The following GRM8 variants were observed in gnomAD, a reference collection of about 807,000 sequenced individuals.
GRM8 encodes glutamate metabotropic receptor 8.
A neutral mutation model predicts 87.2 loss-of-function variants in GRM8; 47 were observed. The ratio of observed to expected loss-of-function variants is 0.54; its 90% CI spans 0.43 to 0.69. The LOEUF is 0.69. GRM8 is among the 30% of genes least tolerant of loss of function. GRM8 has a pLI of 0.00. For missense variants in GRM8, 1,019 were observed against 1,139.2 expected (o/e 0.89, Z 1.52); for synonymous variants, 396 against 404.5 (o/e 0.98, Z 0.25).
At chr7:126,807,765 C>G (rs1586021822) in intron 6 of GRM8, among the ~76,000 whole-genome samples, 1 of 152,092 alleles carries the variant, frequency 6.6e-6, no homozygotes, top group Admixed American at 6.6e-5. Flanking sequence ...GAATTTAGGC[C>G]TCAGATCTGA....
chr7:126,684,340 T>A (rs1394409655), intron 7 of GRM8, among the ~76,000 whole-genome samples: 1 of 152,096 alleles, frequency 6.6e-6, no homozygotes, highest in Non-Finnish European at 1.5e-5. Flanking sequence ...CGGCTCCCAG[T>A]GATTCTTGCT....
chr7:127,125,900 G>C (rs1315335368), intron 2 of GRM8, among the ~76,000 whole-genome samples: 1 of 151,764 alleles, frequency 6.6e-6, no homozygotes, highest in Non-Finnish European at 1.5e-5. Context: ...AATCATCAGA[G>C]AAATGCACAT....
At chr7:126,517,246 AAGT>A (rs1003222571) in intron 9 of GRM8, among the ~76,000 whole-genome samples, 1 of 152,082 alleles carries the variant, frequency 6.6e-6, no homozygotes, top group Non-Finnish European at 1.5e-5. Context: ...ATCAGCAAAA[AAGT>A]AGGGACAGCA....
intron 3 of GRM8, among the ~76,000 whole-genome samples, chr7:126,923,334 TG>T (rs1447761383): frequency 6.6e-6 from 1 of 152,202 alleles, no homozygotes; most frequent in Non-Finnish European, 1.5e-5. Flanking sequence ...CTGCTTTTCA[TG>T]TAAGTCAACA....
At chr7:127,063,826 T>C (rs1025904298) in intron 3 of GRM8, among the ~76,000 whole-genome samples, 16 of 152,252 alleles carry the variant, frequency 1.1e-4, no homozygotes, top group African/African-American at 3.9e-4. Context: ...AGTATGTTGT[T>C]TGTTCTCATT....
At chr7:127,191,500 C>G (rs1485178296) in intron 2 of GRM8, among the ~76,000 whole-genome samples, 1 of 151,990 alleles carries the variant, frequency 6.6e-6, no homozygotes, top group Non-Finnish European at 1.5e-5. Flanking sequence ...TGCTGAAGAC[C>G]AGGACCTTTT....
chr7:127,058,544 A>C (rs1386389834), intron 3 of GRM8, among the ~76,000 whole-genome samples: 2 of 152,176 alleles, frequency 1.3e-5, no homozygotes, highest in Admixed American at 1.3e-4. Context: ...GGTGAAAAAA[A>C]AAATTAATTT....
At chr7:126,618,617 C>T (rs1332229814) in intron 7 of GRM8, among the ~76,000 whole-genome samples, 2 of 152,118 alleles carry the variant, frequency 1.3e-5, no homozygotes, top group Non-Finnish European at 2.9e-5. Context: ...AAAATTTTTA[C>T]CATCTACTCA....
intron 3 of GRM8, among the ~76,000 whole-genome samples, chr7:126,989,062 A>C (rs1812383289): frequency 6.6e-6 from 1 of 152,160 alleles, no homozygotes; most frequent in Non-Finnish European, 1.5e-5. Context: ...AACATATAAA[A>C]CTATATCCCA....
chr7:126,460,023 T>C (rs760786458), intron 9 of GRM8, among the ~76,000 whole-genome samples: 1 of 151,520 alleles, frequency 6.6e-6, no homozygotes, highest in Non-Finnish European at 1.5e-5. Context: ...AGACAATATA[T>C]AGGGAGATGT....
At chr7:126,448,670 A>G (rs1802285664) in intron 9 of GRM8, among the ~76,000 whole-genome samples, 1 of 152,006 alleles carries the variant, frequency 6.6e-6, no homozygotes, top group African/African-American at 2.4e-5. Flanking sequence ...CTTTCAAATT[A>G]TACCAAAATG....
intron 3 of GRM8, chr7:127,084,453 C>G (rs1000940350): frequency 6.6e-6 from 1 of 152,148 alleles, no homozygotes; most frequent in Non-Finnish European, 1.5e-5. Flanking sequence ...ATTAGATACA[C>G]TATAAACCAT....
Position 126,904,669 on chromosome 7 carries a change from C to T in GRM8, c.742G>A (p.Ala248Thr), listed in dbSNP as rs1433922421. The change falls in exon 4 of 11, where the codon GCT becomes ACT. Residue 248 changes from alanine to threonine, a missense_variant. By Grantham distance (58) the Ala-to-Thr change is moderately conservative. Transcript: ENST00000339582. ...TCACGTGGGATTTTCTGTGACTGAG[C>T]AATGCAAACACCACCTATTTAAAAA... is the stretch of plus-strand genomic sequence containing the variant. ...ISREIGGVCI[A>T]QSQKIPREPR... The T allele has an allele frequency of 6.2e-7, 1 of 1,613,562 alleles. No individual in the cohort carries two copies. Among genetic ancestry groups the T allele is most frequent in the East Asian group, 2.2e-5 (1 of 44,860 alleles).
intron 2 of GRM8, among the ~76,000 whole-genome samples, chr7:127,163,711 C>T (rs1173654748): frequency 6.6e-6 from 1 of 152,062 alleles, no homozygotes; most frequent in East Asian, 1.9e-4. Flanking sequence ...GATTTGATAA[C>T]CGTCAAAGCT....
chr7:126,805,205 ACT>A (rs1030192292), intron 6 of GRM8, among the ~76,000 whole-genome samples: 4 of 151,746 alleles, frequency 2.6e-5, no homozygotes, highest in Non-Finnish European at 4.4e-5. Flanking sequence ...TTTTGTCTCC[ACT>A]CTGCTTTCAA....
intron 7 of GRM8, among the ~76,000 whole-genome samples, chr7:126,634,916 C>G (rs1172815247): frequency 2.0e-5 from 3 of 152,056 alleles, no homozygotes; most frequent in African/African-American, 7.2e-5. Flanking sequence ...ACTAGACAAC[C>G]ATCCAAAGAG....
intron 3 of GRM8, among the ~76,000 whole-genome samples, chr7:126,972,141 T>C (rs1436392258): frequency 6.6e-6 from 1 of 152,148 alleles, no homozygotes; most frequent in Non-Finnish European, 1.5e-5. Flanking sequence ...ACCACTATCT[T>C]CATCCCCATA....
chr7:127,223,455 A>ACG (rs751866796), intron 2 of GRM8, among the ~76,000 whole-genome samples: 8 of 66,284 alleles, frequency 1.2e-4, no homozygotes, highest in Non-Finnish European at 1.8e-4. Context: ...ACACACACAC[A>ACG]CACACACACA....
At chr7:126,755,231 T>C (rs1816873272) in intron 7 of GRM8, among the ~76,000 whole-genome samples, 1 of 152,040 alleles carries the variant, frequency 6.6e-6, no homozygotes, top group Non-Finnish European at 1.5e-5. Flanking sequence ...TACTAGTTAA[T>C]TGCAGTCTTT....
Sources: allele counts gnomAD v4.1 joint callset (sites outside exome capture counted in the v4.1 genomes callset), GRCh38; gene constraint gnomAD v4.1.1; transcripts MANE v1.5; gene names NCBI Gene and HGNC (gene_info 2026-07-23, HGNC 2026-07-21).